Variants in MFSD8 observed in about 807,000 individuals in gnomAD.
MFSD8 encodes major facilitator superfamily domain-containing protein 8.
MFSD8 carries 55 observed loss-of-function variants against 66.4 expected under a neutral mutation model. That is an observed-to-expected ratio of 0.83 (90% confidence interval 0.67 to 1.04). The LOEUF (loss-of-function observed/expected upper bound fraction) is 1.04, where lower values mean the gene tolerates loss of function less well. Ranked by LOEUF, MFSD8 falls within the 50% of genes least tolerant of loss-of-function variation. The pLI, the probability that MFSD8 is intolerant of heterozygous loss-of-function variation, is 0.00. For synonymous variants in MFSD8, 202 were observed against 212.8 expected, an observed-to-expected ratio of 0.95 and a Z score of 0.44; for missense variants, 550 against 627.6, an observed-to-expected ratio of 0.88 and a Z score of 1.32.
In MFSD8 at chr4:127,920,739, C is replaced by T. The variant is rs1216600395; in HGVS notation, c.1448G>A (p.Trp483Ter). Residue 483 changes from tryptophan (W) to a stop codon, truncating the protein, a stop_gained, in exon 12 of 12, where the codon TGG (tryptophan) becomes TAG (stop). Coordinates refer to ENST00000641686, the MANE Select transcript of MFSD8 (RefSeq NM_001371596.2). LOFTEE classifies it high-confidence loss of function. The stretch of plus-strand genomic sequence containing the variant: ...TATTCCACACACCAGGCTGAATGCC[C>T]ATCGTGGTCCCCAGTGAGCATACAC... Reference protein sequence around the residue: ...SQVYAHWGPRWAFSLVCGIIV... With the variant: ...SQVYAHWGPR The T allele has an allele frequency of 6.2e-7, 1 of 1,613,904 alleles. No homozygotes were observed. The highest frequency in any genetic ancestry group is 1.3e-5 in the African/African-American group (1 of 74,864).
chr4:127,958,445 T>C (rs1743235398), intron 1 of MFSD8, among the ~76,000 whole-genome samples: 1 of 152,078 alleles, frequency 6.6e-6, no homozygotes, highest in Non-Finnish European at 1.5e-5. Context: ...CAAATTAGTC[T>C]TCAAAAAAGA....
chr4:127,952,608 G>A (rs906080392), intron 2 of MFSD8, among the ~76,000 whole-genome samples: 7 of 152,086 alleles, frequency 4.6e-5, no homozygotes, highest in Non-Finnish European at 7.4e-5. Flanking sequence ...AGTGGATGAT[G>A]CCTGTAATCC....
At chr4:127,931,300 T>G (rs1200887223) in intron 8 of MFSD8, among the ~76,000 whole-genome samples, 1 of 152,172 alleles carries the variant, frequency 6.6e-6, no homozygotes, top group African/African-American at 2.4e-5. Context: ...GCCAAGTTTC[T>G]CTCCCTACAT....
At chr4:127,949,317 T>C (rs565120486) in intron 3 of MFSD8, among the ~76,000 whole-genome samples, 1 of 152,354 alleles carries the variant, frequency 6.6e-6, no homozygotes, top group South Asian at 2.1e-4. Context: ...TACATATTCA[T>C]GTCACCCCCT....
intron 7 of MFSD8, among the ~76,000 whole-genome samples, chr4:127,934,225 G>C (rs1418354188): frequency 6.6e-6 from 1 of 152,140 alleles, no homozygotes; most frequent in Non-Finnish European, 1.5e-5. Context: ...CTGGGTGACA[G>C]AGACCCTGTC....
chr4:127,956,818 C>CAA (rs550327079), intron 2 of MFSD8, among the ~76,000 whole-genome samples: 2,404 of 57,942 alleles, frequency 0.041, 170 homozygotes, highest in East Asian at 0.36. Flanking sequence ...AACTCCGTCT[C>CAA]AAAAAAAAAA....
intron 9 of MFSD8, among the ~76,000 whole-genome samples, chr4:127,929,898 T>C (rs1737848739): frequency 6.6e-6 from 1 of 152,172 alleles, no homozygotes; most frequent in Admixed American, 6.5e-5. Flanking sequence ...TACGAATGTA[T>C]CAAATGATCA....
Position 127,965,138 on chromosome 4 carries a change from A to G in MFSD8, c.-5T>C. 6.2e-7 allele frequency: 1 copy of G among 1,613,902 alleles called. No individual in the cohort carries two copies. ...TTCGTTCCGCAGGCCGGCCATAGTT[A>G]CACTCCCTACAAGGCGTCTTGCGCC... is the stretch of plus-strand genomic sequence containing the variant. On this transcript the variant is annotated 5_prime_UTR_variant, in exon 1 of 12. Transcript: ENST00000641686.
chr4:127,946,228 G>T (rs1741011734), intron 3 of MFSD8, among the ~76,000 whole-genome samples: 1 of 152,050 alleles, frequency 6.6e-6, no homozygotes, highest in South Asian at 2.1e-4. Flanking sequence ...CACTGGGCCT[G>T]ATAGCAAGAC....
rs1454126128 is a variant in MFSD8 at position 127,947,779 on chromosome 4, G to A, written c.198+2025C>T. On this transcript the variant is annotated intron_variant, in intron 3 of 11. Coordinates refer to ENST00000641686, the MANE Select transcript of MFSD8 (RefSeq NM_001371596.2). ...GAGCCTGGGTTCATCCAAGTACCAT[G>A]GATTTATCTAATAAATTGTTGGCTA... Among the ~76,000 whole-genome samples the A allele has an allele frequency of 5.3e-5, 8 of 151,148 alleles. No homozygotes were observed. The Admixed American group carries it at 5.3e-4, about 10-fold the overall frequency.
intron 3 of MFSD8, chr4:127,945,637 A>G (rs988998990): frequency 6.6e-6 from 1 of 151,978 alleles, no homozygotes; most frequent in Admixed American, 6.6e-5. Flanking sequence ...TTCCCTAAAG[A>G]TATTTAAAGT....
intron 7 of MFSD8, 54 bp from the exon 8 acceptor site, chr4:127,933,147 G>T: frequency 7.1e-7 from 1 of 1,404,296 alleles, no homozygotes; most frequent in South Asian, 1.2e-5. Flanking sequence ...TTTTTCTTAT[G>T]ACATTAAAGT....
chr4:127,949,848 C>A lies in MFSD8; in HGVS notation c.155-1G>T. 1 of 1,608,786 alleles carries A rather than the reference C, an allele frequency of 6.2e-7. No homozygotes were observed. Among genetic ancestry groups the A allele is most frequent in the South Asian group, 1.1e-5 (1 of 89,794 alleles). ...ATGGACATCATCACTACAGAAAACC[C>A]TGTGAAGAAGCAAACTAGGTTATTT... On this transcript the variant is annotated splice_acceptor_variant, in intron 2 of 11. Coordinates refer to ENST00000641686, the MANE Select transcript of MFSD8 (RefSeq NM_001371596.2). LOFTEE classifies it high-confidence loss of function.
At position 127,943,846 on chromosome 4, in the gene MFSD8, C is replaced by T. The variant is rs1740604100; in HGVS notation, c.345G>A (p.Val115=). The change falls in exon 4 of 12, where the codon GTG becomes GTA. Residue 115 remains valine, a synonymous_variant. Coordinates refer to ENST00000641686, the MANE Select transcript of MFSD8 (RefSeq NM_001371596.2). ...GATATGCATAGAGGCAGTTGGCTGCCACGGAAATCAAGATGGAGACAATAA... is the reference window on the plus strand; with the variant it reads ...GATATGCATAGAGGCAGTTGGCTGCTACGGAAATCAAGATGGAGACAATAA... The part of the protein sequence containing the change: ...EPLIVSILIS[V]AANCLYAYLH... 1 of 1,613,950 alleles carries T rather than the reference C, an allele frequency of 6.2e-7. No individual in the cohort carries two copies. The highest frequency in any genetic ancestry group is 1.3e-5 in the African/African-American group (1 of 74,892).
Position 127,919,901 on chromosome 4 carries a change from A to G in MFSD8, c.*729T>C, listed in dbSNP as rs1736142118. 6.6e-6 allele frequency: 1 copy of G among 151,606 alleles called. No individual in the cohort carries two copies. Among genetic ancestry groups the G allele is most frequent in the Admixed American group, 6.6e-5 (1 of 15,256 alleles). The allele number at this position is 151,606 out of a possible 1,614,324, so 9.4% of individuals were successfully genotyped here. On this transcript the variant is annotated 3_prime_UTR_variant, in exon 12 of 12. Coordinates refer to ENST00000641686, the MANE Select transcript of MFSD8 (RefSeq NM_001371596.2). ...CTAATGTGAATTTTTGGCATTTGAAAGAAAGTAGGTATCCCTATTAGGCTA... is the reference window on the plus strand; with the variant it reads ...CTAATGTGAATTTTTGGCATTTGAAGGAAAGTAGGTATCCCTATTAGGCTA...
At position 127,943,741 on chromosome 4, in the gene MFSD8, T is replaced by C. The variant is rs762793946; in HGVS notation, c.439+11A>G. 2 of 1,614,070 alleles carry C rather than the reference T, an allele frequency of 1.2e-6. No individual in the cohort carries two copies. The highest frequency in any genetic ancestry group is 1.1e-5 in the South Asian group (1 of 91,026). On this transcript the variant is annotated intron_variant, in intron 4 of 11. Coordinates refer to ENST00000641686, the MANE Select transcript of MFSD8 (RefSeq NM_001371596.2). ...AATATGACACAACCAAACATATACA[T>C]ACAACCTTACCTGCTCCAATTCCCA...
intron 7 of MFSD8, among the ~76,000 whole-genome samples, chr4:127,937,649 T>C (rs1739297411): frequency 6.6e-6 from 1 of 152,224 alleles, no homozygotes; most frequent in African/African-American, 2.4e-5. Flanking sequence ...TTTGATACAG[T>C]TTCTTTTACT....
rs114392982 is a variant in MFSD8 at position 127,960,246 on chromosome 4, C to T, written c.63-2654G>A. Among the ~76,000 whole-genome samples the T allele has an allele frequency of 5.2e-3, 786 of 152,232 alleles. 8 individuals carry two copies. The highest frequency in any genetic ancestry group is 0.018 in the African/African-American group (758 of 41,526). On this transcript the variant is annotated intron_variant, in intron 1 of 11. Coordinates refer to ENST00000641686, the MANE Select transcript of MFSD8 (RefSeq NM_001371596.2). ...AAATGAGTTAGATAAAATTTAACAA[C>T]GGCCAGGCGCAGTGGCTCATGCCTG... is the stretch of plus-strand genomic sequence containing the variant.
chr4:127,951,641 T>C (rs1741982569), intron 2 of MFSD8, among the ~76,000 whole-genome samples: 1 of 152,174 alleles, frequency 6.6e-6, no homozygotes, highest in Admixed American at 6.5e-5. Context: ...TAATGTACTT[T>C]GTTTGTACTC....
Sources: gnomAD v4.1 joint callset for allele counts (sites outside exome capture counted in the v4.1 genomes callset) on GRCh38, gnomAD v4.1.1 for gene constraint, MANE v1.5 for transcripts, NCBI Gene and HGNC (gene_info 2026-07-23, HGNC 2026-07-21) for gene names.